The following CNTN5 variants were observed in gnomAD, a reference collection of about 807,000 sequenced individuals.
CNTN5 encodes contactin-5.
CNTN5 carries 77 observed loss-of-function variants against 129.1 expected under a neutral mutation model. The ratio of observed to expected loss-of-function variants is 0.60; its 90% CI spans 0.50 to 0.72. The LOEUF (loss-of-function observed/expected upper bound fraction) is 0.72, where lower values mean the gene tolerates loss of function less well. CNTN5 is among the 30% of genes least tolerant of loss of function. CNTN5 has a pLI of 0.00. For synonymous variants in CNTN5, 509 were observed against 465.6 expected (o/e 1.09, Z -1.20); for missense variants, 1,478 against 1,328.8 (o/e 1.11, Z -1.75).
At chr11:99,621,234 C>T (rs746416223) in intron 3 of CNTN5, among the ~76,000 whole-genome samples, 15 of 151,962 alleles carry the variant, frequency 9.9e-5, no homozygotes, top group Non-Finnish European at 1.6e-4. Flanking sequence ...GTGTTAAATT[C>T]GAGTTAACCA....
chr11:99,946,689 T>A (rs1950559848), intron 7 of CNTN5, among the ~76,000 whole-genome samples: 1 of 152,050 alleles, frequency 6.6e-6, no homozygotes, highest in Non-Finnish European at 1.5e-5. Context: ...TACATATATC[T>A]CTGATAGAAC....
chr11:99,480,238 C>G (rs971483049), intron 2 of CNTN5, among the ~76,000 whole-genome samples: 4 of 152,128 alleles, frequency 2.6e-5, no homozygotes, highest in Non-Finnish European at 5.9e-5. Context: ...CTTTTATTAT[C>G]TTCTCCATGC....
At chr11:99,048,721 A>G (rs1166213389) in intron 1 of CNTN5, among the ~76,000 whole-genome samples, 1 of 152,180 alleles carries the variant, frequency 6.6e-6, no homozygotes, top group Non-Finnish European at 1.5e-5. Context: ...TGAGGGGTAC[A>G]CCACGAAATT....
At chr11:99,237,507 C>T (rs949282517) in intron 1 of CNTN5, among the ~76,000 whole-genome samples, 1 of 152,062 alleles carries the variant, frequency 6.6e-6, no homozygotes, top group African/African-American at 2.4e-5. Flanking sequence ...ATAGTGGAAC[C>T]CTGTCTCTAC....
chr11:99,263,105 C>T (rs2511800), intron 1 of CNTN5, among the ~76,000 whole-genome samples: 8,283 of 152,030 alleles, frequency 0.054, 791 homozygotes, highest in African/African-American at 0.19. Context: ...CTCTGAAAAC[C>T]AATAATTTGG....
chr11:100,204,529 A>C (rs2138565666), intron 15 of CNTN5, among the ~76,000 whole-genome samples: 1 of 150,390 alleles, frequency 6.6e-6, no homozygotes, highest in Admixed American at 6.7e-5. Flanking sequence ...AGGCTAAAGT[A>C]CAGTAGTACA....
chr11:99,350,851 G>T (rs544843635), intron 2 of CNTN5, among the ~76,000 whole-genome samples: 1 of 152,184 alleles, frequency 6.6e-6, no homozygotes. Context: ...ATTTTCTGTA[G>T]TGGGAACTAA....
At chr11:99,936,395 T>C (rs1441265772) in intron 7 of CNTN5, among the ~76,000 whole-genome samples, 1 of 152,198 alleles carries the variant, frequency 6.6e-6, no homozygotes, top group Non-Finnish European at 1.5e-5. Context: ...AGGAACTGGG[T>C]GAATATTATC....
chr11:99,823,616 A>G (rs1399145044), intron 4 of CNTN5, among the ~76,000 whole-genome samples: 1 of 152,184 alleles, frequency 6.6e-6, no homozygotes, highest in Non-Finnish European at 1.5e-5. Context: ...TTTATTCATT[A>G]CATTAGAAAT....
At chr11:99,139,108 C>T (rs895938455) in intron 1 of CNTN5, among the ~76,000 whole-genome samples, 1 of 119,364 alleles carries the variant, frequency 8.4e-6, no homozygotes, top group Admixed American at 9.4e-5. Flanking sequence ...CCCACCCCCC[C>T]CCCCCAAAAA....
intron 13 of CNTN5, among the ~76,000 whole-genome samples, chr11:100,188,701 C>T (rs1330662248): frequency 6.6e-6 from 1 of 152,134 alleles, no homozygotes; most frequent in South Asian, 2.1e-4. Context: ...AGAACTTAAA[C>T]TGCTATTCAA....
At chr11:99,159,407 G>A (rs1296618160) in intron 1 of CNTN5, among the ~76,000 whole-genome samples, 1 of 152,174 alleles carries the variant, frequency 6.6e-6, no homozygotes, top group Non-Finnish European at 1.5e-5. Context: ...AGGATCACGA[G>A]GTCAGGAGAT....
chr11:100,113,372 A>G (rs1173447337), intron 13 of CNTN5, among the ~76,000 whole-genome samples: 5 of 143,736 alleles, frequency 3.5e-5, no homozygotes, highest in African/African-American at 1.3e-4. Context: ...TCAAGGTCAC[A>G]AATAAACATT....
intron 3 of CNTN5, among the ~76,000 whole-genome samples, chr11:99,789,280 C>T (rs947469008): frequency 1.3e-5 from 2 of 151,908 alleles, no homozygotes; most frequent in Non-Finnish European, 2.9e-5. Flanking sequence ...ATATTCAGAA[C>T]AGCCACAGTG....
At chr11:100,232,173 A>G (rs527866887) in intron 16 of CNTN5, among the ~76,000 whole-genome samples, 19 of 152,062 alleles carry the variant, frequency 1.2e-4, no homozygotes, top group Non-Finnish European at 1.9e-4. Context: ...AAAACAAAAC[A>G]AAGAGTCTGT....
At chr11:99,519,349 A>T (rs1051483382) in intron 2 of CNTN5, among the ~76,000 whole-genome samples, 3 of 152,008 alleles carry the variant, frequency 2.0e-5, no homozygotes, top group Non-Finnish European at 4.4e-5. Context: ...TCATGCTGCT[A>T]TCCTTACAGT....
chr11:100,252,828 C>T (rs2138716739), intron 16 of CNTN5, among the ~76,000 whole-genome samples: 1 of 152,198 alleles, frequency 6.6e-6, no homozygotes, highest in Middle Eastern at 3.4e-3. Flanking sequence ...TGGCAATTTC[C>T]ATGTAATTGG....
intron 18 of CNTN5, among the ~76,000 whole-genome samples, chr11:100,286,620 A>T (rs1246491486): frequency 5.4e-5 from 8 of 148,286 alleles, no homozygotes; most frequent in Non-Finnish European, 1.0e-4. Flanking sequence ...CACCATCATC[A>T]AAGACCAAAA....
intron 3 of CNTN5, among the ~76,000 whole-genome samples, chr11:99,617,143 C>T (rs1295350209): frequency 1.3e-5 from 2 of 151,704 alleles, no homozygotes; most frequent in South Asian, 2.1e-4. Context: ...AAACAAAAAC[C>T]TGTCAATTGT....
Sources: allele counts gnomAD v4.1 joint callset (sites outside exome capture counted in the v4.1 genomes callset), GRCh38; gene constraint gnomAD v4.1.1; transcripts MANE v1.5; gene names NCBI Gene and HGNC (gene_info 2026-07-23, HGNC 2026-07-21).